The following CACNA2D3 variants were observed in gnomAD, a reference collection of about 807,000 sequenced individuals.
CACNA2D3 encodes the protein voltage-dependent calcium channel subunit alpha-2/delta-3.
In CACNA2D3, 60 loss-of-function variants were observed where a neutral mutation model predicts 160.6. That is an observed-to-expected ratio of 0.37 (90% CI 0.30 to 0.46). CACNA2D3 has a LOEUF of 0.46. Ranked by LOEUF, CACNA2D3 falls within the 20% of genes least tolerant of loss-of-function variation. The pLI is 1.00. For synonymous variants in CACNA2D3, 558 were observed against 492.9 expected, an observed-to-expected ratio of 1.13 and a Z score of -1.75; for missense variants, 1,205 against 1,365.0, an observed-to-expected ratio of 0.88 and a Z score of 1.85.
chr3:54,368,038 A>C (rs1348642470), intron 3 of CACNA2D3, among the ~76,000 whole-genome samples: 11 of 152,320 alleles, frequency 7.2e-5, no homozygotes, highest in African/African-American at 2.4e-4. Flanking sequence ...GAGAGCATAG[A>C]TTAGGTGGTT....
At chr3:54,569,207 C>T (rs1339025852) in intron 6 of CACNA2D3, among the ~76,000 whole-genome samples, 2 of 152,190 alleles carry the variant, frequency 1.3e-5, no homozygotes, top group Non-Finnish European at 2.9e-5. Flanking sequence ...CCCCAGGCTT[C>T]AGGAGCTGAA....
At chr3:54,940,886 G>A (rs1371318881) in intron 27 of CACNA2D3, among the ~76,000 whole-genome samples, 1 of 152,154 alleles carries the variant, frequency 6.6e-6, no homozygotes, top group Non-Finnish European at 1.5e-5. Flanking sequence ...AAAGGTATCT[G>A]TATGTTTGCA....
At chr3:54,994,527 A>G (rs1246520631) in intron 31 of CACNA2D3, among the ~76,000 whole-genome samples, 3 of 152,128 alleles carry the variant, frequency 2.0e-5, no homozygotes, top group Non-Finnish European at 4.4e-5. Flanking sequence ...CTTCCAATGA[A>G]CCACTCTTTA....
intron 2 of CACNA2D3, among the ~76,000 whole-genome samples, chr3:54,280,202 C>T (rs1702841832): frequency 6.6e-6 from 1 of 152,054 alleles, no homozygotes; most frequent in South Asian, 2.1e-4. Flanking sequence ...CTGCCTCAGC[C>T]TCCTGAGTAG....
chr3:54,722,848 CT>C lies in CACNA2D3; in HGVS notation c.1168-29750del, dbSNP rs533793654. 1.6e-3 allele frequency among the ~76,000 whole-genome samples: 245 copies of C among 152,292 alleles called. 1 individual carries two copies. Among genetic ancestry groups the C allele is most frequent in the African/African-American group, 4.4e-3 (181 of 41,568 alleles). The stretch of plus-strand genomic sequence containing the variant: ...TCTGTCAGCCCCTACTGAGAGGTGT[CT>C]CCCAGTCAGGATACATGGGGGTCAG... On this transcript the variant is annotated intron_variant, in intron 11 of 37. Transcript: ENST00000474759.
chr3:54,572,754 C>A (rs186197578), intron 8 of CACNA2D3, among the ~76,000 whole-genome samples: 1 of 152,226 alleles, frequency 6.6e-6, no homozygotes, highest in African/African-American at 2.4e-5. Flanking sequence ...GCTTGATCCC[C>A]ACACATCCTG....
chr3:54,799,391 G>A (rs1378190401), intron 13 of CACNA2D3, among the ~76,000 whole-genome samples: 2 of 152,130 alleles, frequency 1.3e-5, no homozygotes, highest in African/African-American at 4.8e-5. Context: ...CAGACATGGA[G>A]GATGACTGAA....
At chr3:54,405,918 C>T (rs1191643355) in intron 4 of CACNA2D3, among the ~76,000 whole-genome samples, 2 of 151,526 alleles carry the variant, frequency 1.3e-5, no homozygotes, top group African/African-American at 4.8e-5. Flanking sequence ...CCAAATATGA[C>T]ATAAAAATGG....
At chr3:54,250,837 T>C (rs977623838) in intron 2 of CACNA2D3, among the ~76,000 whole-genome samples, 7 of 152,084 alleles carry the variant, frequency 4.6e-5, no homozygotes, top group Admixed American at 2.6e-4. Flanking sequence ...CAAGAAAATA[T>C]CAGACAGTGA....
At chr3:54,537,035 C>T (rs1701900335) in intron 5 of CACNA2D3, among the ~76,000 whole-genome samples, 1 of 152,126 alleles carries the variant, frequency 6.6e-6, no homozygotes, top group African/African-American at 2.4e-5. Context: ...CAATGACTCT[C>T]TCTTAGTCCT....
chr3:54,277,209 A>C (rs887944628), intron 2 of CACNA2D3, among the ~76,000 whole-genome samples: 1 of 152,190 alleles, frequency 6.6e-6, no homozygotes, highest in Non-Finnish European at 1.5e-5. Context: ...GCCAGTGCCT[A>C]TGTCCTGAAT....
intron 9 of CACNA2D3, among the ~76,000 whole-genome samples, chr3:54,616,159 C>T (rs1575383602): frequency 1.3e-5 from 2 of 152,168 alleles, no homozygotes; most frequent in African/African-American, 4.8e-5. Context: ...AGTTCCTGGA[C>T]TCAAGAACCC....
At chr3:54,794,403 T>C (rs1702825823) in intron 13 of CACNA2D3, among the ~76,000 whole-genome samples, 1 of 152,162 alleles carries the variant, frequency 6.6e-6, no homozygotes, top group African/African-American at 2.4e-5. Context: ...AACCTCACAA[T>C]ACATTGTTTT....
chr3:54,749,223 C>A (rs1170355661), intron 11 of CACNA2D3, among the ~76,000 whole-genome samples: 1 of 152,116 alleles, frequency 6.6e-6, no homozygotes, highest in Non-Finnish European at 1.5e-5. Context: ...CTACACAAAA[C>A]CCACAACTTG....
At chr3:54,159,185 A>G (rs1411681096) in intron 2 of CACNA2D3, among the ~76,000 whole-genome samples, 1 of 152,230 alleles carries the variant, frequency 6.6e-6, no homozygotes, top group African/African-American at 2.4e-5. Context: ...ATCATTCAAG[A>G]TGATTTAGAA....
At chr3:55,020,613 G>A (rs138970877) in intron 35 of CACNA2D3, among the ~76,000 whole-genome samples, 2,383 of 151,978 alleles carry the variant, frequency 0.016, 34 homozygotes, top group Non-Finnish European at 0.026. Flanking sequence ...ACTTTGGGAG[G>A]CCAAGGCGGG....
intron 5 of CACNA2D3, among the ~76,000 whole-genome samples, chr3:54,553,367 T>G (rs1702190517): frequency 6.6e-6 from 1 of 152,196 alleles, no homozygotes; most frequent in African/African-American, 2.4e-5. Flanking sequence ...TCGTCTTGAA[T>G]TTGGTCCAAC....
intron 2 of CACNA2D3, among the ~76,000 whole-genome samples, chr3:54,216,274 C>A (rs980050458): frequency 7.2e-5 from 11 of 152,214 alleles, no homozygotes; most frequent in African/African-American, 2.7e-4. Context: ...GTATTGTGAA[C>A]TACCAAGCTT....
chr3:54,274,409 A>G (rs769734149), intron 2 of CACNA2D3, among the ~76,000 whole-genome samples: 1 of 152,098 alleles, frequency 6.6e-6, no homozygotes. Context: ...AAGTCTCCTC[A>G]GACACCTTTT....
Sources: gnomAD v4.1 joint callset for allele counts (sites outside exome capture counted in the v4.1 genomes callset) on GRCh38, gnomAD v4.1.1 for gene constraint, MANE v1.5 for transcripts, NCBI Gene and HGNC (gene_info 2026-07-23, HGNC 2026-07-21) for gene names.